The following FBXL13 variants were observed in gnomAD, a reference collection of about 807,000 sequenced individuals.
The protein encoded by FBXL13 is F-box and leucine-rich repeat protein 13.
Under a neutral mutation model 83.6 loss-of-function variants are expected in FBXL13, and 67 were observed. The ratio of observed to expected loss-of-function variants is 0.80; its 90% CI spans 0.66 to 0.98. The LOEUF is 0.98. Among genes scored for constraint, FBXL13 ranks in the 50% least tolerant of loss-of-function variants. The pLI is 0.00. For missense variants in FBXL13, 822 were observed against 866.5 expected (o/e 0.95, Z 0.64); for synonymous variants, 272 against 299.5 (o/e 0.91, Z 0.95).
intron 6 of FBXL13, among the ~76,000 whole-genome samples, chr7:102,980,895 AT>A (rs1487476235): frequency 1.4e-5 from 2 of 147,618 alleles, no homozygotes; most frequent in African/African-American, 5.0e-5. Flanking sequence ...AAAGGAAAAA[AT>A]AAATAAGAGT....
At chr7:103,003,689 C>T (rs1790678818) in intron 6 of FBXL13, among the ~76,000 whole-genome samples, 2 of 152,198 alleles carry the variant, frequency 1.3e-5, no homozygotes, top group Non-Finnish European at 2.9e-5. Context: ...CCAAGTGATT[C>T]TTGTACCTCA....
chr7:102,883,819 G>A (rs1037667250), intron 12 of FBXL13, 134 bp from the exon 14 acceptor site: 12 of 597,772 alleles, frequency 2.0e-5, no homozygotes, highest in Admixed American at 3.3e-5. Context: ...AAAGACAACT[G>A]GATTTTTCCA....
At chr7:102,900,408 T>G (rs893131040) in intron 11 of FBXL13, among the ~76,000 whole-genome samples, 84 of 152,332 alleles carry the variant, frequency 5.5e-4, no homozygotes, top group Admixed American at 9.1e-4. Flanking sequence ...TATTGAGACC[T>G]TTTTTCTTGG....
chr7:103,061,937 CAAAAAAAAAAAA>C (rs768909275), intron 1 of FBXL13, among the ~76,000 whole-genome samples: 1 of 34,814 alleles, frequency 2.9e-5, no homozygotes, highest in African/African-American at 1.1e-4. Context: ...GACTGCGTCT[CAAAAAAAAAAAA>C]AAAAAAAACC....
intron 14 of FBXL13, 27 bp from the exon 16 acceptor site, chr7:102,878,477 A>C (rs748921453): frequency 2.7e-6 from 4 of 1,504,572 alleles, no homozygotes; most frequent in Non-Finnish European, 2.7e-6. Context: ...AAAATTTTAC[A>C]TGTGATTCTA....
chr7:102,862,428 G>A (rs897503992), intron 16 of FBXL13, among the ~76,000 whole-genome samples: 2 of 151,796 alleles, frequency 1.3e-5, no homozygotes, highest in African/African-American at 4.8e-5. Context: ...TATTACTAGT[G>A]TTTGTGAAAA....
At chr7:102,926,196 C>CT in intron 10 of FBXL13, 78 bp downstream of exon 11, 1 of 1,240,448 alleles carries the variant, frequency 8.1e-7, no homozygotes. Flanking sequence ...GAGCACTGCC[C>CT]TTGCAGAATG....
chr7:102,992,743 C>T (rs1829709999), intron 6 of FBXL13, among the ~76,000 whole-genome samples: 1 of 152,158 alleles, frequency 6.6e-6, no homozygotes, highest in Non-Finnish European at 1.5e-5. Flanking sequence ...GTAGCTGGGA[C>T]TACAAGACAT....
intron 1 of FBXL13, among the ~76,000 whole-genome samples, chr7:103,061,175 G>GT (rs1159174454): frequency 0.013 from 1,945 of 144,654 alleles, 35 homozygotes; most frequent in African/African-American, 0.043. Context: ...GACTTGAAGG[G>GT]TTTTTTTTTT....
intron 6 of FBXL13, among the ~76,000 whole-genome samples, chr7:103,019,002 C>A (rs1451054834): frequency 6.6e-6 from 1 of 152,184 alleles, no homozygotes; most frequent in Non-Finnish European, 1.5e-5. Context: ...CTCTCCACCC[C>A]AAATCAACAG....
chr7:103,025,871 C>G (rs1793843156), intron 5 of FBXL13, among the ~76,000 whole-genome samples: 1 of 148,390 alleles, frequency 6.7e-6, no homozygotes, highest in South Asian at 2.1e-4. Flanking sequence ...TTCCCTGCCT[C>G]TGCTCCCAGC....
chr7:102,848,398 T>C lies in FBXL13; in HGVS notation c.1719+6379A>G, dbSNP rs1255775242. The stretch of plus-strand genomic sequence containing the variant: ...GGTGAAACCCCGTCTCTACTAAAAA[T>C]ACAAAAAATTAGCCGGGCGTAGTGG... On this transcript the variant is annotated intron_variant, in intron 17 of 19. Transcript: ENST00000313221. 2.0e-5 allele frequency among the ~76,000 whole-genome samples: 2 copies of C among 98,070 alleles called. 1 individual carries two copies. Among genetic ancestry groups the C allele is most frequent in the Non-Finnish European group, 3.7e-5 (2 of 53,662 alleles). 64.3% of individuals were successfully genotyped at this position (98,070 alleles called of 152,430 possible).
exon 11 of FBXL13, chr7:102,913,156 C>T (rs17135923): frequency 6.2e-7 from 1 of 1,613,802 alleles, no homozygotes; most frequent in East Asian, 2.2e-5. Context: ...GTACTGTAAG[C>T]CTTTGTCTGT....
intron 12 of FBXL13, 124 bp downstream of exon 13, chr7:102,884,090 A>C: frequency 2.8e-6 from 2 of 708,162 alleles, no homozygotes; most frequent in South Asian, 3.7e-5. Context: ...CTTTTCAATG[A>C]TTTTATTACT....
At chr7:103,036,090 C>A (rs1337549497) in intron 2 of FBXL13, among the ~76,000 whole-genome samples, 1 of 152,168 alleles carries the variant, frequency 6.6e-6, no homozygotes, top group African/African-American at 2.4e-5. Flanking sequence ...GTGAACTGTG[C>A]ATGCAAAGGA....
intron 18 of FBXL13, among the ~76,000 whole-genome samples, chr7:102,829,833 A>G (rs1208549570): frequency 6.6e-6 from 1 of 152,142 alleles, no homozygotes; most frequent in Non-Finnish European, 1.5e-5. Context: ...AATGTGTTTT[A>G]CGGCTCATCA....
intron 7 of FBXL13, among the ~76,000 whole-genome samples, chr7:102,965,411 AG>A (rs1825868608): frequency 6.6e-6 from 1 of 152,212 alleles, no homozygotes; most frequent in Non-Finnish European, 1.5e-5. Flanking sequence ...TACTTAGTGT[AG>A]CATCTGGCAT....
intron 7 of FBXL13, among the ~76,000 whole-genome samples, chr7:102,966,573 G>A (rs137859284): frequency 6.6e-6 from 1 of 152,084 alleles, no homozygotes; most frequent in Non-Finnish European, 1.5e-5. Context: ...AAGCCAACAC[G>A]TCTGCCCAGA....
At chr7:102,831,124 T>A (rs1800595255) in intron 18 of FBXL13, among the ~76,000 whole-genome samples, 1 of 152,136 alleles carries the variant, frequency 6.6e-6, no homozygotes, top group Non-Finnish European at 1.5e-5. Flanking sequence ...GCTACCAATC[T>A]CCCACCTGGA....
Sources: allele counts gnomAD v4.1 joint callset (sites outside exome capture counted in the v4.1 genomes callset), GRCh38; gene constraint gnomAD v4.1.1; transcripts MANE v1.5; gene names NCBI Gene and HGNC (gene_info 2026-07-23, HGNC 2026-07-21).